SLC16A13: variants seen among roughly 807,000 people sequenced by gnomAD.
SLC16A13 encodes solute carrier family 16 member 13.
Under a neutral mutation model 28.1 loss-of-function variants are expected in SLC16A13, and 28 were observed. The ratio of observed to expected loss-of-function variants is 1.00; its 90% confidence interval spans 0.74 to 1.37. The LOEUF (loss-of-function observed/expected upper bound fraction) is 1.37. Among genes scored for constraint, SLC16A13 ranks in the 40% most tolerant of loss-of-function variants. The pLI is 0.00. For synonymous variants in SLC16A13, 228 were observed against 241.6 expected (o/e 0.94, Z 0.52); for missense variants, 482 against 531.8 (o/e 0.91, Z 0.92).
Position 7,038,155 on chromosome 17 carries a change from C to G in SLC16A13, c.347C>G (p.Ser116Cys), listed in dbSNP as rs756758847. 20 of 1,610,406 alleles carry G rather than the reference C, an allele frequency of 1.2e-5. No homozygotes were observed. Among genetic ancestry groups the G allele is most frequent in the Middle Eastern group, 1.6e-4 (1 of 6,066 alleles). The change falls in exon 3 of 4, where the codon TCT becomes TGT. Residue 116 changes from serine (S) to cysteine (C), a missense_variant. By Grantham distance (112) the Ser-to-Cys change is moderately radical. Coordinates refer to ENST00000308027, the MANE Select transcript of SLC16A13 (RefSeq NM_201566.3). The surrounding 1 kb of genome is among the most constrained non-coding windows in gnomAD (Gnocchi z 5.7). The part of the protein sequence containing the change: ...LYLSIGLLSG[S>C]GWALTFAPTL... The stretch of plus-strand genomic sequence containing the variant: ...ACCACTTCTTCCTTTTTGACAGGCT[C>G]TGGCTGGGCTTTGACCTTCGCTCCG...
Position 7,036,362 on chromosome 17 carries a change from A to T in SLC16A13, c.-21A>T. On this transcript the variant is annotated 5_prime_UTR_variant, in exon 1 of 4. Coordinates refer to ENST00000308027, the MANE Select transcript of SLC16A13 (RefSeq NM_201566.3). ...GGCTCCTGCAGAGGCTCTGGGTGGC[A>T]GCAGCCCTGTTACCGCTTAGATGGC... The T allele has an allele frequency of 6.3e-7, 1 of 1,595,900 alleles. No homozygotes were observed.
chr17:7,036,859 G>C lies in SLC16A13; in HGVS notation c.332G>C (p.Gly111Ala). The change falls in exon 2 of 4, where the codon GGG (glycine) becomes GCG (alanine). Residue 111 changes from glycine (G) to alanine (A), a missense_variant. Coordinates refer to ENST00000308027, the MANE Select transcript of SLC16A13 (RefSeq NM_201566.3). ...TTGACCCACCTATACCTGAGTATTG[G>C]GTTGCTGTCAGGTGAGAGCCTGCAC... ...TSLTHLYLSI[G>A]LLSGSGWALT... The C allele has an allele frequency of 1.2e-6, 2 of 1,612,788 alleles. No individual in the cohort carries two copies. The highest frequency in any genetic ancestry group is 1.7e-6 in the Non-Finnish European group (2 of 1,180,016).
In SLC16A13 at chr17:7,036,432, T is replaced by C; in HGVS notation, c.50T>C (p.Val17Ala). 6.2e-7 allele frequency: 1 copy of C among 1,612,190 alleles called. No individual in the cohort carries two copies. Among genetic ancestry groups the C allele is most frequent in the Admixed American group, 1.7e-5 (1 of 60,022 alleles). Residue 17 changes from valine (V) to alanine (A), a missense_variant, in exon 1 of 4, where the codon GTG becomes GCG. By Grantham distance (64) the Val-to-Ala change is moderately conservative. Transcript: ENST00000308027. ...PPDGGWGWVV[V>A]LSAFFQSALV... ...GACGGGGGCTGGGGATGGGTGGTGG[T>C]GCTCTCAGCGTTCTTCCAGTCGGCG...
intron 2 of SLC16A13, chr17:7,037,118 G>A (rs567346330): frequency 5.2e-5 from 18 of 347,190 alleles, no homozygotes; most frequent in East Asian, 4.8e-4. Flanking sequence ...TTGGGAAGCC[G>A]AGGCGGGTGG....
Position 7,038,315 on chromosome 17 carries a change from G to T in SLC16A13, c.507G>T (p.Arg169Ser). The change falls in exon 3 of 4, where the codon AGG becomes AGT. Residue 169 changes from arginine (R) to serine (S), a missense_variant. By Grantham distance (110) the Arg-to-Ser change is moderately radical. Coordinates refer to ENST00000308027, the MANE Select transcript of SLC16A13 (RefSeq NM_201566.3). The surrounding 1 kb of genome is among the most constrained non-coding windows in gnomAD (Gnocchi z 5.7). ...GGCTGCTCAGCCACTACGCCTGGAG[G>T]GGGTCCCTGCTGCTGGTGTCTGCCC... The part of the protein sequence containing the change: ...FQWLLSHYAW[R>S]GSLLLVSALS... 1 of 1,614,054 alleles carries T rather than the reference G, an allele frequency of 6.2e-7. No homozygotes were observed. Among genetic ancestry groups the T allele is most frequent in the Non-Finnish European group, 8.5e-7 (1 of 1,180,010 alleles).
Position 7,036,146 on chromosome 17 carries a change from C to T in SLC16A13, c.-237C>T, listed in dbSNP as rs889914026. The T allele has an allele frequency of 6.3e-6, 3 of 475,456 alleles. No individual in the cohort carries two copies. The highest frequency in any genetic ancestry group is 1.1e-5 in the Non-Finnish European group (3 of 268,872). The allele number at this position is 475,456 out of a possible 1,614,324, so 29.5% of individuals were successfully genotyped here. On this transcript the variant is annotated 5_prime_UTR_variant, in exon 1 of 4. Transcript: ENST00000308027. ...TCAGCTCCGAGCTCGCGGAACCACGCCCCCGGGAGACTCTGGCCCGGCCAG... is the reference window on the plus strand; with the variant it reads ...TCAGCTCCGAGCTCGCGGAACCACGTCCCCGGGAGACTCTGGCCCGGCCAG...
Position 7,038,526 on chromosome 17 carries a change from C to G in SLC16A13, c.718C>G (p.His240Asp). ...CATTCCCTACCTCCACCTGGTGGCC[C>G]ATCTCCAGGACCTGGATTGGGACCC... ...YFIPYLHLVA[H>D]LQDLDWDPLP... The change falls in exon 3 of 4, where the codon CAT becomes GAT. Residue 240 changes from histidine (H) to aspartate (D), a missense_variant. Physicochemically the swap from His to Asp is moderately conservative, Grantham distance 81 (BLOSUM62 -1). Coordinates refer to ENST00000308027, the MANE Select transcript of SLC16A13 (RefSeq NM_201566.3). The surrounding 1 kb of genome is among the most constrained non-coding windows in gnomAD (Gnocchi z 5.7). 1 of 1,614,230 alleles carries G rather than the reference C, an allele frequency of 6.2e-7. No individual in the cohort carries two copies. The highest frequency in any genetic ancestry group is 8.5e-7 in the Non-Finnish European group (1 of 1,180,026).
At position 7,036,500 on chromosome 17, in the gene SLC16A13, G is replaced by C; in HGVS notation, c.118G>C (p.Glu40Gln). Residue 40 changes from glutamate to glutamine, a missense_variant, in exon 1 of 4, where the codon GAG becomes CAG. Physicochemically the swap from Glu to Gln is conservative, Grantham distance 29. Transcript: ENST00000308027. Reference protein sequence around the residue: ...VLRSFGVFFVEFVAAFEEQAA... With the variant: ...VLRSFGVFFVQFVAAFEEQAA... The stretch of plus-strand genomic sequence containing the variant: ...CCGCTCCTTTGGGGTCTTCTTCGTG[G>C]AGTTTGTGGCGGCGTTTGAGGAGCA... The C allele has an allele frequency of 6.2e-7, 1 of 1,612,538 alleles. No individual in the cohort carries two copies. The highest frequency in any genetic ancestry group is 1.1e-5 in the South Asian group (1 of 91,012).
chr17:7,038,790 G>C lies in SLC16A13; in HGVS notation c.982G>C (p.Val328Leu). The change falls in exon 3 of 4, where the codon GTG (valine) becomes CTG (leucine). Residue 328 changes from valine (V) to leucine (L), a missense_variant. Transcript: ENST00000308027. The surrounding 1 kb of genome is among the most constrained non-coding windows in gnomAD (Gnocchi z 5.7). ...SGALAPLAFS[V>L]LPELIGTRRI... ...GGCTCTGGCCCCACTGGCCTTCTCC[G>C]TGCTGCCTGAACTAATAGGGACTAG... The C allele has an allele frequency of 6.2e-7, 1 of 1,613,988 alleles. No individual in the cohort carries two copies. Among genetic ancestry groups the C allele is most frequent in the Non-Finnish European group, 8.5e-7 (1 of 1,179,928 alleles).
At position 7,036,486 on chromosome 17, in the gene SLC16A13, G is replaced by T. The variant is rs906820239; in HGVS notation, c.104G>T (p.Gly35Val). ...GTGTTTGGGGTGCTCCGCTCCTTTG[G>T]GGTCTTCTTCGTGGAGTTTGTGGCG... Reference protein sequence around the residue: ...ALVFGVLRSFGVFFVEFVAAF... With the variant: ...ALVFGVLRSFVVFFVEFVAAF... Residue 35 changes from glycine (G) to valine (V), a missense_variant, in exon 1 of 4, where the codon GGG (glycine) becomes GTG (valine). Coordinates refer to ENST00000308027, the MANE Select transcript of SLC16A13 (RefSeq NM_201566.3). 23 of 1,612,368 alleles carry T rather than the reference G, an allele frequency of 1.4e-5. No individual in the cohort carries two copies. The highest frequency in any genetic ancestry group is 1.9e-5 in the Non-Finnish European group (23 of 1,180,054).
intron 2 of SLC16A13, chr17:7,037,114 A>G (rs112895815): frequency 0.054 from 17,895 of 333,164 alleles, 611 homozygotes; most frequent in Middle Eastern, 0.066. Context: ...CACTTTGGGA[A>G]GCCGAGGCGG....
In SLC16A13 at chr17:7,036,327, T is replaced by TC; in HGVS notation, c.-54dup. ...GGGGTGGGTGTGCAGAGGTGCGGCG[T>TC]CCAGAACCCGGCTCCTGCAGAGGCT... is the stretch of plus-strand genomic sequence containing the variant. On this transcript the variant is annotated 5_prime_UTR_variant, in exon 1 of 4. Coordinates refer to ENST00000308027, the MANE Select transcript of SLC16A13 (RefSeq NM_201566.3). 3.3e-6 allele frequency: 5 copies of TC among 1,537,576 alleles called. No homozygotes were observed. Among genetic ancestry groups the TC allele is most frequent in the Non-Finnish European group, 4.4e-6 (5 of 1,139,048 alleles).
rs33979567 is a variant in SLC16A13 at position 7,038,792 on chromosome 17, G to T, written c.984G>T (p.Val328=). The change falls in exon 3 of 4, where the codon GTG becomes GTT. Residue 328 remains valine, a synonymous_variant. Transcript: ENST00000308027. This position sits in a 1 kb window ranked among gnomAD's most constrained non-coding sequence, Gnocchi z 5.7. The part of the protein sequence containing the change: ...SGALAPLAFS[V]LPELIGTRRI... The stretch of plus-strand genomic sequence containing the variant: ...CTCTGGCCCCACTGGCCTTCTCCGT[G>T]CTGCCTGAACTAATAGGGACTAGAA... 0.21 allele frequency: 338,899 copies of T among 1,613,880 alleles called. 36,968 individuals carry two copies. Among genetic ancestry groups the T allele is most frequent in the African/African-American group, 0.29 (21,984 of 74,968 alleles).
rs991008121 is a variant in SLC16A13 at position 7,037,123 on chromosome 17, G to T, written c.343+253G>T. The T allele has an allele frequency of 2.4e-5, 8 of 337,624 alleles. No individual in the cohort carries two copies. In the East Asian group the frequency reaches 5.0e-4, roughly 21 times the overall value. 20.9% of individuals were successfully genotyped at this position (337,624 alleles called of 1,614,324 possible). A position where few individuals can be genotyped will look rare whatever the true frequency, so the allele number is the denominator to read the frequency against. ...TCCCAGCACTTTGGGAAGCCGAGGC[G>T]GGTGGATCACGAGGTCAGGAGTTTG... On this transcript the variant is annotated intron_variant, in intron 2 of 3. Transcript: ENST00000308027.
At chr17:7,036,632 G>A (rs751704105) in intron 1 of SLC16A13, 51 bp downstream of exon 1, 12 of 1,609,946 alleles carry the variant, frequency 7.5e-6, no homozygotes, top group African/African-American at 1.3e-5. Context: ...AAGGGAGAGG[G>A]AATGCGGCGA....
At chr17:7,036,947 G>T in intron 2 of SLC16A13, 77 bp downstream of exon 2, 1 of 1,549,972 alleles carries the variant, frequency 6.5e-7, no homozygotes, top group Non-Finnish European at 8.7e-7. Context: ...TCCTTCCAAA[G>T]GGTTCGGGGA....
chr17:7,036,658 G>A (rs1251446567), intron 1 of SLC16A13, 69 bp from the exon 2 acceptor site: 2 of 1,608,054 alleles, frequency 1.2e-6, no homozygotes, highest in Non-Finnish European at 1.7e-6. Context: ...AAGTGGAAGG[G>A]CGAGGGGCGG....
chr17:7,038,663 G>A lies in SLC16A13; in HGVS notation c.855G>A (p.Met285Ile). 6.2e-7 allele frequency: 1 copy of A among 1,614,204 alleles called. No homozygotes were observed. The highest frequency in any genetic ancestry group is 2.2e-5 in the East Asian group (1 of 44,882). Residue 285 changes from methionine (M) to isoleucine (I), a missense_variant, in exon 3 of 4, where the codon ATG becomes ATA. Physicochemically the swap from Met to Ile is conservative, Grantham distance 10. Transcript: ENST00000308027. This position sits in a 1 kb window ranked among gnomAD's most constrained non-coding sequence, Gnocchi z 5.7. The stretch of plus-strand genomic sequence containing the variant: ...CAGGGCCTGTGACACGACTCCTGAT[G>A]CTCTGGACCACCTTGACTGGGGTGT... The part of the protein sequence containing the change: ...AVPGPVTRLL[M>I]LWTTLTGVSL...
Position 7,036,495 on chromosome 17 carries a change from T to C in SLC16A13, c.113T>C (p.Phe38Ser). 1 of 1,612,458 alleles carries C rather than the reference T, an allele frequency of 6.2e-7. No homozygotes were observed. The highest frequency in any genetic ancestry group is 8.5e-7 in the Non-Finnish European group (1 of 1,180,018). Residue 38 changes from phenylalanine (F) to serine (S), a missense_variant, in exon 1 of 4, where the codon TTC (phenylalanine) becomes TCC (serine). Transcript: ENST00000308027. ...FGVLRSFGVF[F>S]VEFVAAFEEQ... Reference sequence around the variant, plus strand: ...GTGCTCCGCTCCTTTGGGGTCTTCTTCGTGGAGTTTGTGGCGGCGTTTGAG... The same window carrying C: ...GTGCTCCGCTCCTTTGGGGTCTTCTCCGTGGAGTTTGTGGCGGCGTTTGAG...
Sources: gnomAD v4.1 joint callset for allele counts on GRCh38, gnomAD v4.1.1 for gene constraint, Gnocchi (gnomAD v3.1) non-coding constraint, MANE v1.5 for transcripts, NCBI Gene and HGNC (gene_info 2026-07-23, HGNC 2026-07-21) for gene names.